Variants in TNRC6A observed in about 807,000 individuals in gnomAD.
TNRC6A encodes the protein trinucleotide repeat containing adaptor 6A, also known as trinucleotide repeat-containing gene 6A protein.
TNRC6A carries 44 observed loss-of-function variants against 221.2 expected under a neutral mutation model. The ratio of observed to expected loss-of-function variants is 0.20; its 90% CI spans 0.16 to 0.26. The LOEUF (loss-of-function observed/expected upper bound fraction) is 0.26, where lower values mean the gene tolerates loss of function less well. Among genes scored for constraint, TNRC6A ranks in the 10% least tolerant of loss-of-function variants. TNRC6A has a pLI of 1.00. For synonymous variants in TNRC6A, 847 were observed against 838.5 expected (o/e 1.01, Z -0.18); for missense variants, 2,199 against 2,404.4 (o/e 0.91, Z 1.79).
chr16:24,646,711 A>G (rs1406578705), intron 2 of TNRC6A, among the ~76,000 whole-genome samples: 3 of 152,352 alleles, frequency 2.0e-5, no homozygotes, highest in East Asian at 1.9e-4. Context: ...TTGGTAAGCC[A>G]TGAATTGACA....
chr16:24,707,263 T>C (rs974625133), intron 2 of TNRC6A, among the ~76,000 whole-genome samples: 4 of 152,026 alleles, frequency 2.6e-5, no homozygotes, highest in African/African-American at 7.2e-5. Context: ...ACCAAAGTGC[T>C]AGGATTACAG....
intron 4 of TNRC6A, among the ~76,000 whole-genome samples, chr16:24,765,727 GA>G (rs894407389): frequency 2.0e-5 from 3 of 148,956 alleles, no homozygotes; most frequent in African/African-American, 4.9e-5. Flanking sequence ...CTAACAGAAT[GA>G]AAAAAAAATG....
chr16:24,811,668 C>G (rs1400053394), intron 18 of TNRC6A, among the ~76,000 whole-genome samples: 1 of 150,596 alleles, frequency 6.6e-6, no homozygotes, highest in Non-Finnish European at 1.5e-5. Context: ...TTTGCACTTT[C>G]GAATGATGCC....
intron 1 of TNRC6A, among the ~76,000 whole-genome samples, chr16:24,636,858 T>A (rs1203580761): frequency 6.6e-6 from 1 of 152,220 alleles, no homozygotes; most frequent in Non-Finnish European, 1.5e-5. Context: ...TGAACCTTTT[T>A]AACTTTTAAT....
chr16:24,762,192 C>T (rs1041121495), intron 4 of TNRC6A, among the ~76,000 whole-genome samples: 1 of 152,188 alleles, frequency 6.6e-6, no homozygotes, highest in African/African-American at 2.4e-5. Flanking sequence ...ATTAAAAACT[C>T]ATGAAATTAA....
At chr16:24,793,434 C>G (rs967320997) in intron 6 of TNRC6A, 39 bp from the exon 7 acceptor site, 3 of 1,357,278 alleles carry the variant, frequency 2.2e-6, no homozygotes, top group African/African-American at 3.0e-5. Flanking sequence ...ACCTCCTTAC[C>G]TTCTATGCTG....
At chr16:24,690,721 C>A (rs1401775211) in intron 2 of TNRC6A, among the ~76,000 whole-genome samples, 1 of 152,056 alleles carries the variant, frequency 6.6e-6, no homozygotes, top group Non-Finnish European at 1.5e-5. Context: ...TAGGGTAATG[C>A]CTCTTAAATC....
At chr16:24,783,607 G>T (rs1357374878) in intron 5 of TNRC6A, among the ~76,000 whole-genome samples, 1 of 151,656 alleles carries the variant, frequency 6.6e-6, no homozygotes, top group Non-Finnish European at 1.5e-5. Flanking sequence ...TGTTAATGAT[G>T]CTTTAGATTT....
intron 2 of TNRC6A, among the ~76,000 whole-genome samples, chr16:24,704,664 C>CAAAAAAAAAAAAAAAAAAAAAAAAAAA (rs58926085): frequency 1.4e-5 from 1 of 69,464 alleles, no homozygotes; most frequent in Non-Finnish European, 2.8e-5. Context: ...GACTCCGTCT[C>CAAAAAAAAAAAAAAAAAAAAAAAAAAA]AAAAAAAAAA....
chr16:24,747,423 C>CCTG (rs2057037270), intron 2 of TNRC6A, among the ~76,000 whole-genome samples: 1 of 151,982 alleles, frequency 6.6e-6, no homozygotes, highest in African/African-American at 2.4e-5. Context: ...TGTGAGGTAT[C>CCTG]CTGCAAAGTA....
intron 20 of TNRC6A, 98 bp from the exon 21 acceptor site, chr16:24,818,495 T>C (rs1211663793): frequency 1.1e-6 from 1 of 883,278 alleles, no homozygotes; most frequent in African/African-American, 1.7e-5. Context: ...TCCTTTCTTG[T>C]GGCATACTGT....
chr16:24,647,264 T>C (rs980304211), intron 2 of TNRC6A, among the ~76,000 whole-genome samples: 1 of 152,152 alleles, frequency 6.6e-6, no homozygotes, highest in African/African-American at 2.4e-5. Context: ...CTCATAATTT[T>C]CTAACAAAAT....
chr16:24,655,253 AT>A (rs1190635495), intron 2 of TNRC6A, among the ~76,000 whole-genome samples: 1 of 152,146 alleles, frequency 6.6e-6, no homozygotes. Flanking sequence ...CAAAAAAAAA[AT>A]TTGAAAGGCG....
intron 2 of TNRC6A, among the ~76,000 whole-genome samples, chr16:24,712,907 C>CTGTGTGTGTGTGTG (rs61198955): frequency 2.8e-4 from 35 of 126,768 alleles, no homozygotes; most frequent in East Asian, 2.4e-3. Flanking sequence ...TTATGTGCCA[C>CTGTGTGTGTGTGTG]TGTGTGTGTG....
intron 11 of TNRC6A, among the ~76,000 whole-genome samples, chr16:24,803,029 AAG>A (rs1463442696): frequency 1.3e-5 from 2 of 152,192 alleles, no homozygotes; most frequent in Non-Finnish European, 2.9e-5. Context: ...AGCAAAGCCT[AAG>A]AGAGGGGAAG....
At position 24,789,477 on chromosome 16, in the gene TNRC6A, G is replaced by A. The variant is rs1210202686; in HGVS notation, c.835G>A (p.Glu279Lys). 2 of 1,614,212 alleles carry A rather than the reference G, an allele frequency of 1.2e-6. No homozygotes were observed. Among genetic ancestry groups the A allele is most frequent in the African/African-American group, 1.3e-5 (1 of 75,056 alleles). ...CATGGCTTCAGGGAACACAGGTGGT[G>A]AAAAAGATGGCCTTCGGAATAGCAC... ...TIMASGNTGG[E>K]KDGLRNSTGL... is the part of the protein sequence containing the mutation. The change falls in exon 6 of 25, where the codon GAA (glutamate) becomes AAA (lysine). Residue 279 changes from glutamate to lysine, a missense_variant. Glu to Lys is a moderately conservative substitution (Grantham distance 56, BLOSUM62 1). This residue lies in a region of TNRC6A where 1,405 missense variants were observed against 1,400.2 expected (regional missense o/e 1.00). Transcript: ENST00000395799.
In TNRC6A at chr16:24,791,716, A is replaced by C. The variant is rs1249484077; in HGVS notation, c.3074A>C (p.Asn1025Thr). 6.2e-7 allele frequency: 1 copy of C among 1,613,592 alleles called. No individual in the cohort carries two copies. The highest frequency in any genetic ancestry group is 1.3e-5 in the African/African-American group (1 of 74,892). Reference sequence around the variant, plus strand: ...AAAAATGTGAACATGTGGAACAAAAACGTCCCAAATGGCAACAGCCGTTCA... The same window carrying C: ...AAAAATGTGAACATGTGGAACAAAACCGTCCCAAATGGCAACAGCCGTTCA... ...NYKNVNMWNKNVPNGNSRSDQ... is the reference protein window; with the variant it reads ...NYKNVNMWNKTVPNGNSRSDQ... Residue 1025 changes from asparagine to threonine, a missense_variant, in exon 6 of 25, where the codon AAC (asparagine) becomes ACC (threonine). Physicochemically the swap from Asn to Thr is moderately conservative, Grantham distance 65. Transcript: ENST00000395799.
chr16:24,661,860 C>T lies in TNRC6A; in HGVS notation n.402+20851C>T, dbSNP rs546912646. The T allele has an allele frequency of 3.3e-5, 5 of 152,308 alleles. 1 individual carries two copies. In the South Asian group the frequency reaches 8.3e-4, roughly 25 times the overall value. 9.4% of individuals were successfully genotyped at this position (152,308 alleles called of 1,614,324 possible). A position where few individuals can be genotyped will look rare whatever the true frequency, so the allele number is the denominator to read the frequency against. On this transcript the variant is annotated intron_variant and non_coding_transcript_variant, in intron 2 of 2. Transcript: ENST00000566108. ...AAACAGAGACACGATCATGTTTCTA[C>T]AGTACTGGTAGAGTTTTTAACTGAT... is the stretch of plus-strand genomic sequence containing the variant.
chr16:24,818,779 C>A, intron 21 of TNRC6A, 79 bp downstream of exon 21: 1 of 1,056,224 alleles, frequency 9.5e-7, no homozygotes, highest in Non-Finnish European at 1.5e-6. Flanking sequence ...CCTCTTCTTT[C>A]GTCCAGTCTT....
Sources: gnomAD v4.1 joint callset for allele counts (sites outside exome capture counted in the v4.1 genomes callset) on GRCh38, gnomAD v4.1.1 for gene constraint, gnomAD v4.1.1 regional missense constraint, MANE v1.5 for transcripts, NCBI Gene and HGNC (gene_info 2026-07-23, HGNC 2026-07-21) for gene names.